Variants in FPR3 observed in about 807,000 individuals in gnomAD.
FPR3 encodes formyl peptide receptor 3, also known as N-formyl peptide receptor 3.
For synonymous variants in FPR3, 135 were observed against 163.6 expected, an observed-to-expected ratio of 0.83 and a Z score of 1.34; for missense variants, 346 against 443.2, an observed-to-expected ratio of 0.78 and a Z score of 1.97.
intron 1 of FPR3, among the ~76,000 whole-genome samples, chr19:51,802,378 C>A (rs1487471144): frequency 2.6e-5 from 4 of 152,104 alleles, no homozygotes. Context: ...TATTTTTTAG[C>A]CCTTTCTCAT....
In FPR3 at chr19:51,825,838, A is replaced by G. The variant is rs1299870725; in HGVS notation, c.*1028A>G. 6.0e-6 allele frequency: 1 copy of G among 167,114 alleles called. No individual in the cohort carries two copies. Among genetic ancestry groups the G allele is most frequent in the Non-Finnish European group, 1.5e-5 (1 of 68,136 alleles). The allele number at this position is 167,114 out of a possible 1,614,324, so 10.4% of individuals were successfully genotyped here. A position where few individuals can be genotyped will look rare whatever the true frequency, so the allele number is the denominator to read the frequency against. The stretch of plus-strand genomic sequence containing the variant: ...TATCCTGAGACTAAGTGGAAGTGGG[A>G]AAAGAGTACAAGAGAAGAGACAAAG... On this transcript the variant is annotated 3_prime_UTR_variant, in exon 2 of 2. Transcript: ENST00000339223.
intron 1 of FPR3, among the ~76,000 whole-genome samples, chr19:51,809,116 T>C (rs2084080529): frequency 6.6e-6 from 1 of 152,262 alleles, no homozygotes; most frequent in African/African-American, 2.4e-5. Context: ...TTCTTCAACA[T>C]TTTAAATCCT....
At chr19:51,820,786 G>A (rs1313623164) in intron 1 of FPR3, among the ~76,000 whole-genome samples, 1 of 152,152 alleles carries the variant, frequency 6.6e-6, no homozygotes, top group African/African-American at 2.4e-5. Flanking sequence ...AATAATTAAT[G>A]TAACCAATAT....
At chr19:51,803,596 C>CAAA (rs35535525) in intron 1 of FPR3, among the ~76,000 whole-genome samples, 1 of 132,020 alleles carries the variant, frequency 7.6e-6, no homozygotes, top group Non-Finnish European at 1.7e-5. Context: ...TTTCAATTTC[C>CAAA]AAAAAAAAAA....
At chr19:51,799,318 C>T (rs921969968) in intron 1 of FPR3, among the ~76,000 whole-genome samples, 2 of 152,192 alleles carry the variant, frequency 1.3e-5, no homozygotes, top group African/African-American at 2.4e-5. Context: ...ATCCAACCCA[C>T]GATGTGAGGC....
chr19:51,813,162 C>CA (rs1407461186), intron 1 of FPR3, among the ~76,000 whole-genome samples: 19 of 135,050 alleles, frequency 1.4e-4, no homozygotes, highest in Non-Finnish European at 2.2e-4. Context: ...ACACACACAC[C>CA]CCATAAATTT....
At chr19:51,814,373 G>A (rs1218677862) in intron 1 of FPR3, among the ~76,000 whole-genome samples, 1 of 152,234 alleles carries the variant, frequency 6.6e-6, no homozygotes, top group Non-Finnish European at 1.5e-5. Context: ...CTGCGTTGCA[G>A]GTCCCACAAA....
chr19:51,803,681 C>T (rs1175543917), intron 1 of FPR3: 4 of 151,580 alleles, frequency 2.6e-5, no homozygotes, highest in Non-Finnish European at 4.4e-5. Flanking sequence ...AAATGCAAGA[C>T]AGAAAGTCAG....
intron 1 of FPR3, chr19:51,805,244 G>A (rs897044387): frequency 4.6e-5 from 7 of 152,154 alleles, no homozygotes; most frequent in South Asian, 2.1e-4. Flanking sequence ...CGGTCCATCC[G>A]ATTTTACAGA....
rs1361472024 is a variant in FPR3, at chr19:51,795,501, A to ATTTTTTTTTTTTTTTTTTTTTT, written c.-11+172_-11+173insTTTTTTTTTTTTTTTTTTTTTT. ...TAATTTGGTTACATGTTCCAGTAACATTCTTTTTTTTTTTTTTTTTTTTTT... is the reference window on the plus strand; with the variant it reads ...TAATTTGGTTACATGTTCCAGTAACATTTTTTTTTTTTTTTTTTTTTTTTCTTTTTTTTTTTTTTTTTTTTTT... On this transcript the variant is annotated intron_variant, in intron 1 of 1. Coordinates refer to ENST00000339223, the MANE Select transcript of FPR3 (RefSeq NM_002030.5). Among the ~76,000 whole-genome samples, 5 of 77,070 alleles carry ATTTTTTTTTTTTTTTTTTTTTT rather than the reference A, an allele frequency of 6.5e-5. 1 individual carries two copies. Among genetic ancestry groups the ATTTTTTTTTTTTTTTTTTTTTT allele is most frequent in the Non-Finnish European group, 9.2e-5 (4 of 43,268 alleles). The allele number at this position is 77,070 out of a possible 152,430, so 50.6% of individuals were successfully genotyped here.
At chr19:51,812,847 G>A (rs548096449) in intron 1 of FPR3, among the ~76,000 whole-genome samples, 10 of 152,254 alleles carry the variant, frequency 6.6e-5, no homozygotes, top group African/African-American at 2.4e-4. Context: ...TAGGCCAGAC[G>A]TGGGGGCTCA....
rs763026655 is a variant in FPR3, at chr19:51,824,859, GA to G, written c.*59del. 8.7e-4 allele frequency: 1,167 copies of G among 1,347,654 alleles called. No individual in the cohort carries two copies. Among genetic ancestry groups the G allele is most frequent in the Non-Finnish European group, 1.0e-3 (1,023 of 1,004,156 alleles). 83.5% of individuals were successfully genotyped at this position (1,347,654 alleles called of 1,614,324 possible). A position where few individuals can be genotyped will look rare whatever the true frequency, so the allele number is the denominator to read the frequency against. On this transcript the variant is annotated 3_prime_UTR_variant, in exon 2 of 2. Transcript: ENST00000339223. This position sits in a 1 kb window ranked among gnomAD's most constrained non-coding sequence, Gnocchi z 4.7. ...GTCTCTTTCTACCCTGCGTTAAGCG[GA>G]AAAAAAAAATTCTGACAGTGTTTTT...
chr19:51,823,718 G>A lies in FPR3; in HGVS notation c.-10-21G>A, dbSNP rs529548789. The A allele has an allele frequency of 1.6e-5, 25 of 1,517,542 alleles. No homozygotes were observed. In the South Asian group the frequency reaches 2.8e-4, roughly 17 times the overall value. 94.0% of individuals were successfully genotyped at this position (1,517,542 alleles called of 1,614,324 possible). ...AAGATGGTGTCACAGCTGAGAAATG[G>A]CCATTGCTGAAATGTTTCAGGTGTG... On this transcript the variant is annotated intron_variant, in intron 1 of 1. Transcript: ENST00000339223.
At chr19:51,820,602 A>G (rs2084181162) in intron 1 of FPR3, among the ~76,000 whole-genome samples, 1 of 152,132 alleles carries the variant, frequency 6.6e-6, no homozygotes, top group Non-Finnish European at 1.5e-5. Context: ...TGACTTAGAG[A>G]TTATTGATAC....
chr19:51,820,459 C>G (rs1294841023), intron 1 of FPR3, among the ~76,000 whole-genome samples: 1 of 152,202 alleles, frequency 6.6e-6, no homozygotes, highest in Non-Finnish European at 1.5e-5. Flanking sequence ...ATAATCAGTA[C>G]AGGTATCATC....
chr19:51,823,608 G>C, intron 1 of FPR3, 131 bp from the exon 2 acceptor site: 1 of 709,788 alleles, frequency 1.4e-6, no homozygotes, highest in Non-Finnish European at 2.3e-6. Flanking sequence ...CCAATTTTAT[G>C]TTATAACCAT....
intron 1 of FPR3, among the ~76,000 whole-genome samples, chr19:51,822,873 T>G (rs186010471): frequency 5.2e-4 from 79 of 152,226 alleles, no homozygotes; most frequent in African/African-American, 1.5e-3. Flanking sequence ...CTCTTTTTTT[T>G]TGTGGGGGGA....
chr19:51,810,821 T>C (rs1341087154), intron 1 of FPR3, among the ~76,000 whole-genome samples: 1 of 152,150 alleles, frequency 6.6e-6, no homozygotes, highest in Non-Finnish European at 1.5e-5. Context: ...CTTACTCTAG[T>C]GGGGTGTGTT....
intron 1 of FPR3, among the ~76,000 whole-genome samples, chr19:51,800,480 T>C (rs1253963944): frequency 6.6e-6 from 1 of 152,214 alleles, no homozygotes; most frequent in Non-Finnish European, 1.5e-5. Context: ...GGTCTGGAAG[T>C]GGAGCATGGC....
Sources: gnomAD v4.1 joint callset for allele counts (sites outside exome capture counted in the v4.1 genomes callset) on GRCh38, gnomAD v4.1.1 for gene constraint, Gnocchi (gnomAD v3.1) non-coding constraint, MANE v1.5 for transcripts, NCBI Gene and HGNC (gene_info 2026-07-23, HGNC 2026-07-21) for gene names.